SMYD3: variants seen among roughly 807,000 people sequenced by gnomAD.
The protein encoded by SMYD3 is SET and MYND domain containing 3.
In SMYD3, 36 loss-of-function variants were observed where a neutral mutation model predicts 57.7. That is an observed-to-expected ratio of 0.62 (90% CI 0.48 to 0.82). The LOEUF is 0.82. SMYD3 is among the 40% of genes least tolerant of loss of function. SMYD3 has a pLI of 0.00. For missense variants in SMYD3, 515 were observed against 538.8 expected (o/e 0.96, Z 0.44); for synonymous variants, 211 against 195.0 (o/e 1.08, Z -0.68).
intron 1 of SMYD3, among the ~76,000 whole-genome samples, chr1:246,400,216 T>C (rs926227074): frequency 3.3e-5 from 5 of 152,224 alleles, no homozygotes; most frequent in South Asian, 2.1e-4. Flanking sequence ...TTTACCCACA[T>C]ACTGTGATAG....
intron 8 of SMYD3, among the ~76,000 whole-genome samples, chr1:245,873,835 G>C (rs1390002049): frequency 6.6e-6 from 1 of 152,168 alleles, no homozygotes; most frequent in Admixed American, 6.5e-5. Flanking sequence ...CAGCACTACG[G>C]AAGTGGAACT....
chr1:246,084,008 AT>A (rs968363664), intron 5 of SMYD3, among the ~76,000 whole-genome samples: 8 of 151,462 alleles, frequency 5.3e-5, no homozygotes, highest in Admixed American at 2.0e-4. Flanking sequence ...CCACCCAAGG[AT>A]TTTTTTTTAA....
intron 1 of SMYD3, among the ~76,000 whole-genome samples, chr1:246,481,835 G>C (rs1313880482): frequency 6.6e-6 from 1 of 150,840 alleles, no homozygotes; most frequent in Admixed American, 6.6e-5. Flanking sequence ...TTTCTCTGGA[G>C]AACCTTAATA....
intron 5 of SMYD3, among the ~76,000 whole-genome samples, chr1:246,048,450 A>G (rs2060007372): frequency 6.6e-6 from 1 of 152,210 alleles, no homozygotes; most frequent in African/African-American, 2.4e-5. Flanking sequence ...CGCATATTTT[A>G]GTGACAAAAA....
At chr1:246,010,152 A>C (rs987698894) in intron 5 of SMYD3, among the ~76,000 whole-genome samples, 1 of 151,282 alleles carries the variant, frequency 6.6e-6, no homozygotes, top group Non-Finnish European at 1.5e-5. Context: ...TTTAAAACAT[A>C]ACAGTAGAAA....
chr1:246,042,478 G>A (rs1049607775), intron 5 of SMYD3, among the ~76,000 whole-genome samples: 22 of 152,134 alleles, frequency 1.4e-4, no homozygotes, highest in Non-Finnish European at 2.6e-4. Context: ...TCCAAGCCAC[G>A]GAGCACTCAG....
chr1:246,186,847 C>T, intron 5 of SMYD3: 1 of 985,494 alleles, frequency 1.0e-6, no homozygotes, highest in Non-Finnish European at 1.2e-6. Context: ...TCACACTCTC[C>T]CCACATCACA....
At chr1:246,113,033 T>C (rs12143155) in intron 5 of SMYD3, among the ~76,000 whole-genome samples, 15,305 of 151,726 alleles carry the variant, frequency 0.1, 1,027 homozygotes, top group Admixed American at 0.23. Context: ...TACAAAAAAG[T>C]TAGCCAGGTG....
At chr1:246,459,912 G>A (rs963312428) in intron 1 of SMYD3, among the ~76,000 whole-genome samples, 20 of 87,560 alleles carry the variant, frequency 2.3e-4, no homozygotes, top group Non-Finnish European at 2.7e-4. Flanking sequence ...AAACCATTCC[G>A]CCACCCAAAA....
At chr1:245,833,592 C>A (rs1012108029) in intron 10 of SMYD3, among the ~76,000 whole-genome samples, 2 of 152,220 alleles carry the variant, frequency 1.3e-5, no homozygotes, top group Non-Finnish European at 2.9e-5. Flanking sequence ...GTGAAGCTAA[C>A]CTGATCCCTT....
chr1:245,822,555 GA>G (rs11431887), intron 10 of SMYD3, among the ~76,000 whole-genome samples: 6,810 of 135,278 alleles, frequency 0.05, 463 homozygotes, highest in African/African-American at 0.16. Context: ...AATAATAAAA[GA>G]AAAAAAAAAA....
chr1:246,200,164 T>A (rs12691527), intron 5 of SMYD3, among the ~76,000 whole-genome samples: 1,065 of 13,904 alleles, frequency 0.077, 1 homozygote, highest in South Asian at 0.16. Flanking sequence ...GCTGAGCAAG[T>A]ATGTACACAG....
At chr1:246,093,694 A>G (rs12036476) in intron 5 of SMYD3, among the ~76,000 whole-genome samples, 4,496 of 143,214 alleles carry the variant, frequency 0.031, 166 homozygotes, top group East Asian at 0.16. Context: ...TAAAACTAAT[A>G]AATTGAAAAT....
chr1:245,929,480 C>A (rs59647317), intron 6 of SMYD3, among the ~76,000 whole-genome samples: 3,270 of 152,138 alleles, frequency 0.021, 105 homozygotes, highest in African/African-American at 0.074. Flanking sequence ...TGTGCCAACT[C>A]GAAAGACAAC....
chr1:246,468,420 C>A (rs569181099), intron 1 of SMYD3, among the ~76,000 whole-genome samples: 2 of 151,750 alleles, frequency 1.3e-5, no homozygotes, highest in South Asian at 4.2e-4. Context: ...GCGGGCAAAT[C>A]GCTTGGGCTC....
chr1:245,803,913 AT>A (rs34038938), intron 10 of SMYD3, among the ~76,000 whole-genome samples: 12,472 of 73,108 alleles, frequency 0.17, 471 homozygotes, highest in African/African-American at 0.19. Flanking sequence ...GTAAGTCAGT[AT>A]TTTTTTTTTT....
intron 4 of SMYD3, 137 bp from the exon 5 acceptor site, chr1:246,327,474 T>G (rs1245218015): frequency 7.6e-6 from 6 of 785,106 alleles, no homozygotes; most frequent in Non-Finnish European, 1.2e-5. Context: ...ATACATATTG[T>G]TTTATCTTTT....
intron 6 of SMYD3, among the ~76,000 whole-genome samples, 153 bp from the exon 7 acceptor site, chr1:245,928,186 A>G (rs1043721955): frequency 6.6e-6 from 1 of 152,102 alleles, no homozygotes; most frequent in Admixed American, 6.6e-5. Context: ...GGATGCATTC[A>G]CAGAAATGTC....
chr1:246,212,918 C>T (rs140841346), intron 5 of SMYD3, among the ~76,000 whole-genome samples: 1 of 152,110 alleles, frequency 6.6e-6, no homozygotes, highest in Non-Finnish European at 1.5e-5. Context: ...GTAACTTGCT[C>T]TCCCTTCAGT....
Sources: gnomAD v4.1 joint callset for allele counts (sites outside exome capture counted in the v4.1 genomes callset) on GRCh38, gnomAD v4.1.1 for gene constraint, MANE v1.5 for transcripts, NCBI Gene and HGNC (gene_info 2026-07-23, HGNC 2026-07-21) for gene names.